ZNF10: variants seen among roughly 807,000 people sequenced by gnomAD.
The protein encoded by ZNF10 is zinc finger protein 10 (KOX 1).
A neutral mutation model predicts 12.2 loss-of-function variants in ZNF10; 8 were observed. The ratio of observed to expected loss-of-function variants is 0.66; its 90% CI spans 0.39 to 1.18. ZNF10 has a LOEUF of 1.18. ZNF10 is among the 50% of genes most tolerant of loss of function. ZNF10 has a pLI of 0.01. For missense variants in ZNF10, 603 were observed against 678.9 expected (o/e 0.89, Z 1.24); for synonymous variants, 229 against 228.2 (o/e 1.00, Z -0.03).
In ZNF10 at chr12:133,156,676, T is replaced by G; in HGVS notation, c.1430T>G (p.Ile477Ser). Residue 477 changes from isoleucine to serine, a missense_variant, in exon 5 of 5, where the codon ATT becomes AGT. Ile to Ser is a moderately radical substitution (Grantham distance 142). This residue lies in a region of ZNF10 where 204 missense variants were observed against 262.8 expected (regional missense o/e 0.78). Transcript: ENST00000248211. The stretch of plus-strand genomic sequence containing the variant: ...TCTTTCAGCCAGAGTTCTGCCCTTA[T>G]TGTGCATCAGAGGATACACACTGGA... Reference protein sequence around the residue: ...GKSFSQSSALIVHQRIHTGEK... With the variant: ...GKSFSQSSALSVHQRIHTGEK... 6.2e-7 allele frequency: 1 copy of G among 1,614,138 alleles called. No individual in the cohort carries two copies. The highest frequency in any genetic ancestry group is 8.5e-7 in the Non-Finnish European group (1 of 1,180,000).
At chr12:133,152,751 A>G (rs1956016581) in intron 4 of ZNF10, among the ~76,000 whole-genome samples, 1 of 152,080 alleles carries the variant, frequency 6.6e-6, no homozygotes. Context: ...TTAAAAATTT[A>G]TTTATAGGCA....
At chr12:133,152,659 G>A (rs1334656379) in intron 4 of ZNF10, among the ~76,000 whole-genome samples, 5 of 152,110 alleles carry the variant, frequency 3.3e-5, no homozygotes, top group East Asian at 3.9e-4. Context: ...CAAGTGATCC[G>A]CCCACCTCGG....
chr12:133,141,673 A>C (rs1015850967), intron 1 of ZNF10, among the ~76,000 whole-genome samples: 1 of 151,960 alleles, frequency 6.6e-6, no homozygotes, highest in East Asian at 1.9e-4. Context: ...CCAGAAAAAA[A>C]ATGAAAAGAA....
chr12:133,144,597 C>A (rs1955965211), intron 2 of ZNF10, 72 bp downstream of exon 2: 3 of 1,439,770 alleles, frequency 2.1e-6, no homozygotes, highest in Non-Finnish European at 2.9e-6. Context: ...CAAAGATCTT[C>A]AGAAATTATA....
chr12:133,136,199 C>G (rs551029750), intron 1 of ZNF10, among the ~76,000 whole-genome samples: 1 of 152,196 alleles, frequency 6.6e-6, no homozygotes, highest in South Asian at 2.1e-4. Flanking sequence ...CCCCTTCTCT[C>G]TCCTCTAGTT....
Position 133,155,734 on chromosome 12 carries a change from T to A in ZNF10, c.488T>A (p.Val163Asp), listed in dbSNP as rs747725714. The change falls in exon 5 of 5, where the codon GTC (valine) becomes GAC (aspartate). Residue 163 changes from valine (V) to aspartate (D), a missense_variant. This residue lies in a region of ZNF10 where 393 missense variants were observed against 399.7 expected (regional missense o/e 0.98). Transcript: ENST00000248211. ...TQKKVLTQER[V>D]SESGKYGGNC... ...AAGAAAGTACTTACTCAGGAGAGAG[T>A]CTCTGAAAGTGGTAAATATGGGGGA... 1 of 1,611,990 alleles carries A rather than the reference T, an allele frequency of 6.2e-7. No individual in the cohort carries two copies. The highest frequency in any genetic ancestry group is 8.5e-7 in the Non-Finnish European group (1 of 1,179,248).
intron 2 of ZNF10, among the ~76,000 whole-genome samples, chr12:133,145,861 C>G (rs951330248): frequency 1.6e-5 from 2 of 127,506 alleles, no homozygotes; most frequent in Non-Finnish European, 3.1e-5. Flanking sequence ...TTAAGATGTA[C>G]AGATTTGACC....
At position 133,151,102 on chromosome 12, in the gene ZNF10, G is replaced by C. The variant is rs747555056; in HGVS notation, c.108G>C (p.Gln36His). The part of the protein sequence containing the change: ...EEWKLLDTAQ[Q>H]IVYRNVMLEN... ...GGAAGCTGCTGGACACTGCTCAGCA[G>C]ATCGTGTACAGAAATGTGATGCTGG... is the stretch of plus-strand genomic sequence containing the variant. Residue 36 changes from glutamine (Q) to histidine (H), a missense_variant, in exon 3 of 5, where the codon CAG becomes CAC. Transcript: ENST00000248211. The C allele has an allele frequency of 4.3e-6, 7 of 1,613,866 alleles. No individual in the cohort carries two copies. The African/African-American group carries it at 5.3e-5, about 12-fold the overall frequency.
intron 1 of ZNF10, among the ~76,000 whole-genome samples, chr12:133,137,985 A>G (rs1171305469): frequency 2.0e-5 from 3 of 152,106 alleles, no homozygotes; most frequent in African/African-American, 7.2e-5. Context: ...TAAATAAATA[A>G]TGGTTTACAT....
At chr12:133,131,625 C>G (rs1348266092) in intron 1 of ZNF10, among the ~76,000 whole-genome samples, 1 of 152,190 alleles carries the variant, frequency 6.6e-6, no homozygotes, top group South Asian at 2.1e-4. Flanking sequence ...TACCTCCACA[C>G]TAACTTTTCT....
chr12:133,131,247 C>A (rs141076371), intron 1 of ZNF10, among the ~76,000 whole-genome samples: 36 of 151,872 alleles, frequency 2.4e-4, no homozygotes, highest in African/African-American at 8.5e-4. Context: ...TAACTGAAGG[C>A]GTGTTTGTGT....
chr12:133,156,418 A>T lies in ZNF10; in HGVS notation c.1172A>T (p.His391Leu). The change falls in exon 5 of 5, where the codon CAT becomes CTT. Residue 391 changes from histidine to leucine, a missense_variant. By Grantham distance (99) the His-to-Leu change is moderately conservative (BLOSUM62 -3). Coordinates refer to ENST00000248211, the MANE Select transcript of ZNF10 (RefSeq NM_015394.5). ...GGGAAATCTTTCAGACAGAGCACACATCTCATTCTGCATCAGAGAACCCAT... is the reference window on the plus strand; with the variant it reads ...GGGAAATCTTTCAGACAGAGCACACTTCTCATTCTGCATCAGAGAACCCAT... Reference protein sequence around the residue: ...ECGKSFRQSTHLILHQRTHVR... With the variant: ...ECGKSFRQSTLLILHQRTHVR... The T allele has an allele frequency of 6.2e-7, 1 of 1,613,800 alleles. No homozygotes were observed. The highest frequency in any genetic ancestry group is 1.7e-5 in the Admixed American group (1 of 60,008).
intron 2 of ZNF10, among the ~76,000 whole-genome samples, chr12:133,147,276 A>G (rs915732968): frequency 6.6e-6 from 1 of 152,236 alleles, no homozygotes; most frequent in Non-Finnish European, 1.5e-5. Flanking sequence ...TATTTAGCCA[A>G]GAGAATGATA....
At chr12:133,150,581 T>A (rs1956001258) in intron 2 of ZNF10, among the ~76,000 whole-genome samples, 2 of 152,048 alleles carry the variant, frequency 1.3e-5, no homozygotes. Context: ...TTTTTTTTTT[T>A]TAGTACCTAC....
At chr12:133,131,919 C>G (rs765702642) in intron 1 of ZNF10, among the ~76,000 whole-genome samples, 21 of 152,016 alleles carry the variant, frequency 1.4e-4, no homozygotes, top group Non-Finnish European at 1.3e-4. Flanking sequence ...AGATATGAGG[C>G]TTACCTTCTG....
chr12:133,138,667 G>A (rs959078125), intron 1 of ZNF10, among the ~76,000 whole-genome samples: 3 of 152,068 alleles, frequency 2.0e-5, no homozygotes, highest in Non-Finnish European at 4.4e-5. Flanking sequence ...CTATTTTCTT[G>A]CTTCCTGTAA....
At chr12:133,132,592 T>C (rs989520724) in intron 1 of ZNF10, among the ~76,000 whole-genome samples, 2 of 151,474 alleles carry the variant, frequency 1.3e-5, no homozygotes, top group East Asian at 3.9e-4. Flanking sequence ...GAGACTCTTT[T>C]ACTTTCATCA....
intron 4 of ZNF10, among the ~76,000 whole-genome samples, chr12:133,154,465 C>G (rs142356756): frequency 6.6e-6 from 1 of 152,106 alleles, no homozygotes; most frequent in African/African-American, 2.4e-5. Flanking sequence ...ATTGCTTTGA[C>G]CATAAATGTG....
intron 1 of ZNF10, among the ~76,000 whole-genome samples, chr12:133,141,967 T>C (rs187770751): frequency 1.3e-5 from 2 of 152,152 alleles, no homozygotes; most frequent in East Asian, 3.9e-4. Context: ...TACAGAGGAA[T>C]AAGGGATTAC....
Sources: gnomAD v4.1 joint callset for allele counts (sites outside exome capture counted in the v4.1 genomes callset) on GRCh38, gnomAD v4.1.1 for gene constraint, gnomAD v4.1.1 regional missense constraint, MANE v1.5 for transcripts, NCBI Gene and HGNC (gene_info 2026-07-23, HGNC 2026-07-21) for gene names.